AOAH: variants seen among roughly 807,000 people sequenced by gnomAD.
AOAH encodes the protein acyloxyacyl hydrolase.
A neutral mutation model predicts 92.2 loss-of-function variants in AOAH; 64 were observed. The observed-to-expected ratio is 0.69, with a 90% CI of 0.57 to 0.86. AOAH has a LOEUF of 0.86. Ranked by LOEUF, AOAH falls within the 40% of genes least tolerant of loss-of-function variation. The probability of loss-of-function intolerance (pLI) is 0.00; values close to 1 mark genes in which losing one functional copy is unlikely to be tolerated. For missense variants in AOAH, 656 were observed against 694.6 expected, an observed-to-expected ratio of 0.94 and a Z score of 0.62; for synonymous variants, 263 against 254.5, an observed-to-expected ratio of 1.03 and a Z score of -0.32.
At chr7:36,513,919 A>G (rs539034965) in intron 20 of AOAH, among the ~76,000 whole-genome samples, 1 of 152,222 alleles carries the variant, frequency 6.6e-6, no homozygotes, top group Non-Finnish European at 1.5e-5. Context: ...TAAGCTGCTA[A>G]GTGTATGGAA....
At chr7:36,662,665 C>G (rs11972887) in intron 3 of AOAH, among the ~76,000 whole-genome samples, 61,644 of 151,942 alleles carry the variant, frequency 0.41, 12,885 homozygotes, top group South Asian at 0.55. Flanking sequence ...TGTGGCAATC[C>G]AGGACAAGCA....
At chr7:36,527,594 G>A (rs960462141) in intron 19 of AOAH, among the ~76,000 whole-genome samples, 15 of 152,118 alleles carry the variant, frequency 9.9e-5, no homozygotes, top group Non-Finnish European at 1.6e-4. Context: ...TGGTGGTGGC[G>A]GGGGACGGCC....
At chr7:36,618,023 C>T (rs1405178907) in intron 10 of AOAH, among the ~76,000 whole-genome samples, 1 of 152,182 alleles carries the variant, frequency 6.6e-6, no homozygotes, top group Non-Finnish European at 1.5e-5. Context: ...TCCCATTGCT[C>T]TTTTATCCAT....
chr7:36,592,679 G>T (rs535878049), intron 12 of AOAH, among the ~76,000 whole-genome samples: 1 of 152,158 alleles, frequency 6.6e-6, no homozygotes, highest in South Asian at 2.1e-4. Flanking sequence ...CTGTCTATTT[G>T]CCCTTGGATC....
chr7:36,534,738 GA>G (rs2116064172), intron 16 of AOAH, among the ~76,000 whole-genome samples: 1 of 152,308 alleles, frequency 6.6e-6, no homozygotes, highest in Non-Finnish European at 1.5e-5. Context: ...TCCCTGGTTA[GA>G]AAGTCCATCT....
chr7:36,707,894 C>T (rs1027717520), intron 1 of AOAH, among the ~76,000 whole-genome samples: 6 of 151,736 alleles, frequency 4.0e-5, no homozygotes, highest in Admixed American at 1.3e-4. Flanking sequence ...TTCTGTTTCC[C>T]AGGCTCAAGA....
At chr7:36,670,402 G>A (rs933814493) in intron 3 of AOAH, among the ~76,000 whole-genome samples, 4 of 152,216 alleles carry the variant, frequency 2.6e-5, no homozygotes, top group Non-Finnish European at 5.9e-5. Flanking sequence ...ACAGAACCAC[G>A]AAGGTGGGAT....
chr7:36,619,359 C>A (rs567360029), intron 9 of AOAH, among the ~76,000 whole-genome samples: 14 of 152,130 alleles, frequency 9.2e-5, no homozygotes, highest in African/African-American at 3.4e-4. Context: ...TGCATCTTGC[C>A]TCCCTGAGCT....
At chr7:36,691,869 CTT>C (rs1279360106) in intron 1 of AOAH, among the ~76,000 whole-genome samples, 1 of 152,200 alleles carries the variant, frequency 6.6e-6, no homozygotes, top group African/African-American at 2.4e-5. Context: ...CTTTTGCCCT[CTT>C]TGACACTGCA....
intron 1 of AOAH, among the ~76,000 whole-genome samples, chr7:36,719,831 G>A (rs1414052195): frequency 6.6e-6 from 1 of 152,094 alleles, no homozygotes; most frequent in Non-Finnish European, 1.5e-5. Context: ...AGTTACACAG[G>A]AGGCTGAGGT....
intron 13 of AOAH, among the ~76,000 whole-genome samples, chr7:36,557,586 A>G (rs370477635): frequency 1.3e-5 from 2 of 152,206 alleles, no homozygotes; most frequent in East Asian, 3.9e-4. Context: ...GTGTTTTCCA[A>G]CTTGGTTCCA....
intron 13 of AOAH, among the ~76,000 whole-genome samples, chr7:36,556,092 A>G (rs912184002): frequency 7.3e-5 from 11 of 151,514 alleles, no homozygotes; most frequent in Non-Finnish European, 1.5e-4. Flanking sequence ...TCAATTTTGG[A>G]TCTTTCCTGC....
chr7:36,601,345 C>T (rs1288584518), intron 11 of AOAH, among the ~76,000 whole-genome samples: 1 of 151,852 alleles, frequency 6.6e-6, no homozygotes, highest in Non-Finnish European at 1.5e-5. Context: ...CACACAGAGG[C>T]ACACAGAGGA....
chr7:36,646,934 A>AC (rs1253793958), intron 4 of AOAH, among the ~76,000 whole-genome samples: 1 of 152,256 alleles, frequency 6.6e-6, no homozygotes. Context: ...AAGGTAACAG[A>AC]CACAGTTACG....
chr7:36,616,008 G>C (rs1791851849), intron 11 of AOAH, among the ~76,000 whole-genome samples: 1 of 152,170 alleles, frequency 6.6e-6, no homozygotes, highest in Non-Finnish European at 1.5e-5. Context: ...CGAGCAGCCT[G>C]CTCTGCCCAG....
chr7:36,594,496 T>C, intron 11 of AOAH, 66 bp from the exon 12 acceptor site: 4 of 1,338,200 alleles, frequency 3.0e-6, no homozygotes, highest in Non-Finnish European at 4.3e-6. Context: ...AGTAAGAAAA[T>C]TCATGGCCTG....
chr7:36,724,282 C>A lies in AOAH; in HGVS notation c.-134G>T, dbSNP rs1399801478. 4.1e-6 allele frequency: 4 copies of A among 967,186 alleles called. No homozygotes were observed. Among genetic ancestry groups the A allele is most frequent in the Non-Finnish European group, 6.2e-6 (4 of 642,100 alleles). The allele number at this position is 967,186 out of a possible 1,614,324, so 59.9% of individuals were successfully genotyped here. On this transcript the variant is annotated 5_prime_UTR_variant, in exon 1 of 21. Coordinates refer to ENST00000617537, the MANE Select transcript of AOAH (RefSeq NM_001637.4). ...ACTCTCTTTGACACACACACCCCACCCTCTCACATACACACTTTTCAATAA... is the reference window on the plus strand; with the variant it reads ...ACTCTCTTTGACACACACACCCCACACTCTCACATACACACTTTTCAATAA...
At chr7:36,630,860 C>T (rs1027702317) in intron 6 of AOAH, among the ~76,000 whole-genome samples, 5 of 152,118 alleles carry the variant, frequency 3.3e-5, no homozygotes, top group African/African-American at 9.7e-5. Context: ...TATCTTGGGT[C>T]CTCAGTGGCC....
At chr7:36,520,691 G>A (rs1784063396) in intron 20 of AOAH, among the ~76,000 whole-genome samples, 2 of 134,394 alleles carry the variant, frequency 1.5e-5, no homozygotes, top group Non-Finnish European at 3.1e-5. Context: ...GGCAACAAGA[G>A]TGAAACTCTG....
Sources: gnomAD v4.1 joint callset for allele counts (sites outside exome capture counted in the v4.1 genomes callset) on GRCh38, gnomAD v4.1.1 for gene constraint, MANE v1.5 for transcripts, NCBI Gene and HGNC (gene_info 2026-07-23, HGNC 2026-07-21) for gene names.